Variants in GOLGA1 observed in about 807,000 individuals in gnomAD.
GOLGA1 encodes golgin A1, also known as golgin subfamily A member 1.
A neutral mutation model predicts 119.7 loss-of-function variants in GOLGA1; 63 were observed. The observed-to-expected ratio is 0.53, with a 90% CI of 0.43 to 0.65. The LOEUF is 0.65. GOLGA1 is among the 30% of genes least tolerant of loss of function. The pLI is 0.00. For missense variants in GOLGA1, 798 were observed against 912.8 expected (o/e 0.87, Z 1.62); for synonymous variants, 318 against 333.4 (o/e 0.95, Z 0.50).
rs181888685 is a variant in GOLGA1, at chr9:124,926,270, G to C, written c.432+439C>G. ...AACTATGTCAAGAAGGCAAACCAAAGGTCCAACTGAAGCTGTGACTTTGGC... is the reference window on the plus strand; with the variant it reads ...AACTATGTCAAGAAGGCAAACCAAACGTCCAACTGAAGCTGTGACTTTGGC... On this transcript the variant is annotated intron_variant, in intron 7 of 22. Coordinates refer to ENST00000373555, the MANE Select transcript of GOLGA1 (RefSeq NM_002077.4). 2.0e-5 allele frequency among the ~76,000 whole-genome samples: 3 copies of C among 152,320 alleles called. No individual in the cohort carries two copies. The East Asian group carries it at 5.8e-4, about 29-fold the overall frequency.
chr9:124,936,546 T>A (rs1327289587), intron 3 of GOLGA1, among the ~76,000 whole-genome samples: 1 of 151,614 alleles, frequency 6.6e-6, no homozygotes, highest in Non-Finnish European at 1.5e-5. Context: ...GCTCAAGCGA[T>A]CCTCTTGCCT....
chr9:124,882,004 G>GA (rs750656302), intron 20 of GOLGA1, 50 bp from the exon 21 acceptor site: 114 of 1,371,806 alleles, frequency 8.3e-5, no homozygotes, highest in Admixed American at 2.6e-4. Context: ...GAGACAGGTG[G>GA]AAAAAATCAC....
At chr9:124,910,882 C>T (rs1830325588) in intron 11 of GOLGA1, among the ~76,000 whole-genome samples, 1 of 152,152 alleles carries the variant, frequency 6.6e-6, no homozygotes, top group East Asian at 1.9e-4. Context: ...GAAACCACCC[C>T]CTCACCCGAC....
At chr9:124,891,491 C>T (rs1324556062) in intron 15 of GOLGA1, among the ~76,000 whole-genome samples, 6 of 152,244 alleles carry the variant, frequency 3.9e-5, no homozygotes, top group African/African-American at 1.4e-4. Context: ...AGACTGAGCA[C>T]ACCCTTCTTA....
In GOLGA1 at chr9:124,911,904, T is replaced by C; in HGVS notation, c.966A>G (p.Lys322=). Residue 322 remains lysine, a synonymous_variant, in exon 11 of 23, where the codon AAA becomes AAG. Transcript: ENST00000373555. ...SGEEHLQELL[K]EKTLAEQNLE... ...GCCCAAAGAGAACAGAAGTTACCTC[T>C]TTCAGGAGTTCTTGCAAGTGTTCTT... The C allele has an allele frequency of 6.2e-7, 1 of 1,612,444 alleles. No homozygotes were observed. The highest frequency in any genetic ancestry group is 1.1e-5 in the South Asian group (1 of 90,964).
intron 3 of GOLGA1, among the ~76,000 whole-genome samples, chr9:124,938,082 C>CAA (rs200357362): frequency 0.029 from 1,909 of 66,054 alleles, 53 homozygotes; most frequent in African/African-American, 0.095. Flanking sequence ...GAATCCATCT[C>CAA]AAAAAAAAAA....
Position 124,888,792 on chromosome 9 carries a change from C to T in GOLGA1, c.1761+351G>A, listed in dbSNP as rs766541520. 6.6e-6 allele frequency among the ~76,000 whole-genome samples: 1 copy of T among 152,146 alleles called. No individual in the cohort carries two copies. The highest frequency in any genetic ancestry group is 6.6e-5 in the Admixed American group (1 of 15,264). ...CTCGGCTCCACCAAGCTCCGCCTCC[C>T]GGGTTCACATCATTCTCCTGCCTCA... On this transcript the variant is annotated intron_variant, in intron 18 of 22. Coordinates refer to ENST00000373555, the MANE Select transcript of GOLGA1 (RefSeq NM_002077.4). This position sits in a 1 kb window ranked among gnomAD's most constrained non-coding sequence, Gnocchi z 4.4.
At chr9:124,917,875 G>A (rs907789621) in intron 10 of GOLGA1, among the ~76,000 whole-genome samples, 6 of 151,168 alleles carry the variant, frequency 4.0e-5, no homozygotes, top group African/African-American at 9.7e-5. Context: ...TTTTTGAGAC[G>A]GAGTTTCGCT....
At chr9:124,935,032 A>G (rs1375452574) in intron 3 of GOLGA1, among the ~76,000 whole-genome samples, 1 of 152,136 alleles carries the variant, frequency 6.6e-6, no homozygotes, top group East Asian at 1.9e-4. Flanking sequence ...GGGTGCCAGA[A>G]AGAGATCCCT....
chr9:124,928,456 C>T (rs763291020), intron 5 of GOLGA1, among the ~76,000 whole-genome samples, 171 bp from the exon 6 acceptor site: 1 of 152,144 alleles, frequency 6.6e-6, no homozygotes, highest in African/African-American at 2.4e-5. Context: ...ATATTTTGGC[C>T]TTGGTAATAG....
intron 1 of GOLGA1, chr9:124,947,753 C>G (rs1349639475): frequency 6.6e-6 from 1 of 151,964 alleles, no homozygotes; most frequent in Non-Finnish European, 1.5e-5. Context: ...ACAAAAGAGC[C>G]CTCAAGGTAA....
intron 12 of GOLGA1, among the ~76,000 whole-genome samples, chr9:124,905,012 G>A (rs920665388): frequency 6.6e-6 from 1 of 150,582 alleles, no homozygotes; most frequent in Non-Finnish European, 1.5e-5. Flanking sequence ...CGGGTGTGGT[G>A]GTACACACCC....
rs1438051104 is a variant in GOLGA1 at position 124,929,234 on chromosome 9, A to C, written c.283T>G (p.Leu95Val). Reference sequence around the variant, plus strand: ...TACGTACAATCCTGGTGTTTTTCTAATGCAATTTCAAGCTTCTCTTTTATC... The same window carrying C: ...TACGTACAATCCTGGTGTTTTTCTACTGCAATTTCAAGCTTCTCTTTTATC... ...QKIKEKLEIA[L>V]EKHQDSSMRK... Residue 95 changes from leucine to valine, a missense_variant, in exon 5 of 23, where the codon TTA (leucine) becomes GTA (valine). By Grantham distance (32) the Leu-to-Val change is conservative. Coordinates refer to ENST00000373555, the MANE Select transcript of GOLGA1 (RefSeq NM_002077.4). 10 of 1,604,118 alleles carry C rather than the reference A, an allele frequency of 6.2e-6. No homozygotes were observed. The highest frequency in any genetic ancestry group is 7.7e-6 in the Non-Finnish European group (9 of 1,170,972).
chr9:124,939,176 T>C (rs1282042876), intron 2 of GOLGA1, among the ~76,000 whole-genome samples: 2 of 152,042 alleles, frequency 1.3e-5, no homozygotes, highest in East Asian at 3.9e-4. Context: ...GGCTATGACA[T>C]ATAACACACT....
At position 124,889,475 on chromosome 9, in the gene GOLGA1, A is replaced by T. The variant is rs1588059183; in HGVS notation, c.1559T>A (p.Val520Glu). 1 of 1,613,832 alleles carries T rather than the reference A, an allele frequency of 6.2e-7. No individual in the cohort carries two copies. Among genetic ancestry groups the T allele is most frequent in the African/African-American group, 1.3e-5 (1 of 74,908 alleles). ...KEQNLREKTE[V>E]LLQKEQEILQ... ...AATCTCCTGCTCTTTCTGGAGAAGC[A>T]CTTCGGTTTTTTCCCGCAGATTCTG... Residue 520 changes from valine (V) to glutamate (E), a missense_variant, in exon 17 of 23, where the codon GTG becomes GAG. Physicochemically the swap from Val to Glu is moderately radical, Grantham distance 121. Coordinates refer to ENST00000373555, the MANE Select transcript of GOLGA1 (RefSeq NM_002077.4).
chr9:124,938,538 C>T, intron 3 of GOLGA1, 39 bp downstream of exon 3: 2 of 1,544,998 alleles, frequency 1.3e-6, no homozygotes, highest in Non-Finnish European at 1.8e-6. Flanking sequence ...GAAGAATACC[C>T]TGCAAAAGTA....
At chr9:124,945,066 C>T (rs1212920070), upstream of GOLGA1, 5 of 151,994 alleles carry the variant, frequency 3.3e-5, no homozygotes, top group Non-Finnish European at 7.4e-5. Flanking sequence ...AGATGATTGT[C>T]GTAGTAGACA....
chr9:124,899,316 G>C lies in GOLGA1; in HGVS notation c.1311+13C>G, dbSNP rs781157649. 3.2e-5 allele frequency: 49 copies of C among 1,540,566 alleles called. No individual in the cohort carries two copies. The highest frequency in any genetic ancestry group is 3.8e-5 in the Non-Finnish European group (43 of 1,140,438). On this transcript the variant is annotated intron_variant, in intron 14 of 22. Transcript: ENST00000373555. ...GTGCTCCTGGGCCCACCCTCTCTTA[G>C]CTCTTCACTCACCATCCCTTGCTCT...
chr9:124,898,702 A>C, intron 14 of GOLGA1, 58 bp from the exon 15 acceptor site: 8 of 1,015,008 alleles, frequency 7.9e-6, no homozygotes, highest in East Asian at 2.4e-5. Context: ...TTCCCTGGGC[A>C]CAGGGAGCAT....
Sources: gnomAD v4.1 joint callset for allele counts (sites outside exome capture counted in the v4.1 genomes callset) on GRCh38, gnomAD v4.1.1 for gene constraint, Gnocchi (gnomAD v3.1) non-coding constraint, MANE v1.5 for transcripts, NCBI Gene and HGNC (gene_info 2026-07-23, HGNC 2026-07-21) for gene names.